Variants in ARB2A observed in about 807,000 individuals in gnomAD.
ARB2A encodes the protein ARB2 cotranscriptional regulator A.
the ARB2A span, among the ~76,000 whole-genome samples, chr5:93,823,496 C>G: frequency 6.6e-6 from 1 of 152,056 alleles, no homozygotes; most frequent in African/African-American, 2.4e-5. Context: ...TAAAGACTAT[C>G]AAAATATTCT....
chr5:93,672,460 C>A, the ARB2A span, among the ~76,000 whole-genome samples: 1 of 152,018 alleles, frequency 6.6e-6, no homozygotes, highest in Non-Finnish European at 1.5e-5. Flanking sequence ...CAGGCACTCA[C>A]CACCACACCC....
At chr5:93,733,625 T>C in the ARB2A span, 4 of 152,332 alleles carry the variant, frequency 2.6e-5, no homozygotes, top group East Asian at 7.7e-4. Flanking sequence ...CAATTCACTT[T>C]CCAATAAATA....
chr5:93,621,351 T>C, the ARB2A span, among the ~76,000 whole-genome samples: 2 of 152,022 alleles, frequency 1.3e-5, no homozygotes, highest in African/African-American at 4.8e-5. Flanking sequence ...CAACTAGGGC[T>C]GCGGGGTCAC....
At chr5:93,889,968 A>C in the ARB2A span, among the ~76,000 whole-genome samples, 7 of 151,998 alleles carry the variant, frequency 4.6e-5, no homozygotes, top group African/African-American at 1.7e-4. Context: ...ATAGTCCTGC[A>C]AACCAATAAT....
chr5:93,939,834 T>C, the ARB2A span, among the ~76,000 whole-genome samples: 2 of 152,126 alleles, frequency 1.3e-5, no homozygotes, highest in Non-Finnish European at 2.9e-5. Context: ...AGTTCTACTC[T>C]AGGTAACAAA....
chr5:93,627,438 G>GTTTTTTTTTTTTTTTT, the ARB2A span, among the ~76,000 whole-genome samples: 1 of 108,076 alleles, frequency 9.3e-6, no homozygotes, highest in African/African-American at 4.0e-5. Context: ...TACAAAATGT[G>GTTTTTTTTTTTTTTTT]TTTTGTTTTT....
chr5:94,099,702 G>C, the ARB2A span, among the ~76,000 whole-genome samples: 1 of 137,912 alleles, frequency 7.3e-6, no homozygotes, highest in Admixed American at 7.3e-5. Flanking sequence ...AAAGACAAAA[G>C]CCATATGATA....
the ARB2A span, among the ~76,000 whole-genome samples, chr5:93,915,107 A>G: frequency 6.6e-6 from 1 of 151,980 alleles, no homozygotes; most frequent in African/African-American, 2.4e-5. Context: ...TAAATCGTTT[A>G]CAGAATTAGT....
chr5:93,703,273 G>A, the ARB2A span, among the ~76,000 whole-genome samples: 76 of 152,310 alleles, frequency 5.0e-4, no homozygotes, highest in Non-Finnish European at 7.2e-4. Flanking sequence ...GTTCTCTGGC[G>A]AGTGTCGGCG....
At chr5:93,855,578 A>C in the ARB2A span, among the ~76,000 whole-genome samples, 1 of 151,986 alleles carries the variant, frequency 6.6e-6, no homozygotes, top group African/African-American at 2.4e-5. Flanking sequence ...ATTTGGCATG[A>C]TTTTGCAGTG....
At chr5:94,057,083 T>C in the ARB2A span, among the ~76,000 whole-genome samples, 1 of 152,212 alleles carries the variant, frequency 6.6e-6, no homozygotes, top group Admixed American at 6.5e-5. Context: ...ACTCACACCA[T>C]CAGCTCTTCT....
At chr5:93,896,989 C>A in the ARB2A span, among the ~76,000 whole-genome samples, 1 of 151,946 alleles carries the variant, frequency 6.6e-6, no homozygotes, top group African/African-American at 2.4e-5. Context: ...AGTCTATCAG[C>A]GCTTGCATAC....
At chr5:93,812,181 T>A in the ARB2A span, among the ~76,000 whole-genome samples, 2 of 152,092 alleles carry the variant, frequency 1.3e-5, no homozygotes, top group African/African-American at 4.8e-5. Flanking sequence ...ATGTTTAATA[T>A]TTGGATAGAT....
chr5:93,839,779 T>A, the ARB2A span, among the ~76,000 whole-genome samples: 1 of 152,130 alleles, frequency 6.6e-6, no homozygotes, highest in Admixed American at 6.6e-5. Context: ...CAGGAATTTA[T>A]CCATTTCTTC....
At chr5:93,752,952 G>T in the ARB2A span, among the ~76,000 whole-genome samples, 1 of 152,106 alleles carries the variant, frequency 6.6e-6, no homozygotes, top group African/African-American at 2.4e-5. Context: ...AATAAAAACT[G>T]TCTGAAAAGT....
At chr5:94,084,450 C>T in the ARB2A span, among the ~76,000 whole-genome samples, 2 of 152,046 alleles carry the variant, frequency 1.3e-5, no homozygotes, top group Admixed American at 6.6e-5. Flanking sequence ...GAAAGACTCA[C>T]CAGTGTGACA....
chr5:93,966,461 T>C, the ARB2A span, among the ~76,000 whole-genome samples: 1 of 152,038 alleles, frequency 6.6e-6, no homozygotes, highest in Non-Finnish European at 1.5e-5. Flanking sequence ...ATTCAAAAAC[T>C]CAAAAATTGC....
chr5:93,943,363 A>C, the ARB2A span, among the ~76,000 whole-genome samples: 1 of 152,118 alleles, frequency 6.6e-6, no homozygotes, highest in Non-Finnish European at 1.5e-5. Context: ...ACTATCAAAA[A>C]AAGCATCAAA....
the ARB2A span, among the ~76,000 whole-genome samples, chr5:93,925,877 C>T: frequency 8.5e-5 from 13 of 152,288 alleles, no homozygotes; most frequent in Middle Eastern, 3.4e-3. Flanking sequence ...GGCTTCACTA[C>T]TAAAGGGCAG....
Sources: allele counts gnomAD v4.1 joint callset (sites outside exome capture counted in the v4.1 genomes callset), GRCh38; gene constraint gnomAD v4.1.1; transcripts MANE v1.5; gene names NCBI Gene and HGNC (gene_info 2026-07-23, HGNC 2026-07-21).